SAMD5: variants seen among roughly 807,000 people sequenced by gnomAD.
The protein encoded by SAMD5 is sterile alpha motif domain-containing protein 5.
SAMD5 carries 13 observed loss-of-function variants against 11.3 expected under a neutral mutation model. That is an observed-to-expected ratio of 1.15 (90% CI 0.75 to 1.83). SAMD5 has a LOEUF of 1.83. Among genes scored for constraint, SAMD5 ranks in the 40% most tolerant of loss-of-function variants. The probability of loss-of-function intolerance (pLI) is 0.00; values close to 1 mark genes in which losing one functional copy is unlikely to be tolerated. For missense variants in SAMD5, 255 were observed against 239.1 expected (o/e 1.07, Z -0.44); for synonymous variants, 129 against 111.3 (o/e 1.16, Z -1.00).
the SAMD5 span, among the ~76,000 whole-genome samples, chr6:147,804,972 G>A: frequency 6.6e-6 from 1 of 152,214 alleles, no homozygotes; most frequent in Admixed American, 6.5e-5. Flanking sequence ...CCTATGGTGA[G>A]TTAAAATCAT....
the SAMD5 span, among the ~76,000 whole-genome samples, chr6:147,935,830 G>A: frequency 7.2e-5 from 11 of 152,300 alleles, no homozygotes; most frequent in East Asian, 1.7e-3. Flanking sequence ...CACACCCTGT[G>A]CAATTATGTC....
At chr6:147,608,586 A>G (rs1458282079) in intron 1 of SAMD5, among the ~76,000 whole-genome samples, 1 of 152,206 alleles carries the variant, frequency 6.6e-6, no homozygotes, top group Non-Finnish European at 1.5e-5. Context: ...GGATCTAAAA[A>G]TCAAAACAGT....
chr6:147,739,277 C>G (rs947487776), downstream of SAMD5, among the ~76,000 whole-genome samples: 15 of 152,150 alleles, frequency 9.9e-5, no homozygotes, highest in African/African-American at 3.6e-4. Flanking sequence ...ATTTGAATAG[C>G]AACTGACTTA....
In SAMD5 at chr6:147,565,335, T is replaced by C. The variant is rs1789019268; in HGVS notation, c.*879T>C. On this transcript the variant is annotated 3_prime_UTR_variant, in exon 2 of 2. Transcript: ENST00000367474. ...GGGGCCGGGAGGTGGGCAGCGGCAG[T>C]GGCCTGAGGAGCCCTGTAGAACTAC... is the stretch of plus-strand genomic sequence containing the variant. 3 of 985,924 alleles carry C rather than the reference T, an allele frequency of 3.0e-6. No individual in the cohort carries two copies. In the African/African-American group the frequency reaches 5.2e-5, roughly 17 times the overall value. 61.1% of individuals were successfully genotyped at this position (985,924 alleles called of 1,614,324 possible).
the SAMD5 span, among the ~76,000 whole-genome samples, chr6:147,921,258 A>G: frequency 6.9e-6 from 1 of 145,740 alleles, no homozygotes; most frequent in Non-Finnish European, 1.5e-5. Context: ...TTCTTAAAAC[A>G]AAAGAGAGAG....
chr6:147,765,227 A>T, the SAMD5 span, among the ~76,000 whole-genome samples: 1 of 152,132 alleles, frequency 6.6e-6, no homozygotes, highest in Non-Finnish European at 1.5e-5. Flanking sequence ...TGTGTTTTCA[A>T]AGTATGAACT....
At chr6:147,666,021 C>T (rs1790713426) in intron 1 of SAMD5, among the ~76,000 whole-genome samples, 1 of 152,198 alleles carries the variant, frequency 6.6e-6, no homozygotes, top group Non-Finnish European at 1.5e-5. Context: ...TCACTGCAAC[C>T]TCCGCCTCCA....
chr6:147,717,601 T>A (rs1184357812), intron 1 of SAMD5, among the ~76,000 whole-genome samples: 1 of 152,156 alleles, frequency 6.6e-6, no homozygotes, highest in Non-Finnish European at 1.5e-5. Context: ...GGTTTGTACA[T>A]GAAAAATAAA....
the SAMD5 span, among the ~76,000 whole-genome samples, chr6:147,801,057 A>T: frequency 2.0e-5 from 3 of 152,140 alleles, no homozygotes; most frequent in Non-Finnish European, 2.9e-5. Flanking sequence ...TACTGGTTTT[A>T]ATGTAATTCG....
the SAMD5 span, among the ~76,000 whole-genome samples, chr6:147,870,243 G>T: frequency 6.6e-6 from 1 of 151,924 alleles, no homozygotes; most frequent in East Asian, 1.9e-4. Context: ...CATCTAGCAC[G>T]GTGCTGGGAA....
At chr6:147,907,921 A>G in the SAMD5 span, among the ~76,000 whole-genome samples, 2 of 152,088 alleles carry the variant, frequency 1.3e-5, no homozygotes, top group Non-Finnish European at 2.9e-5. Context: ...CTCAACCAAA[A>G]TGTGTATTAT....
At chr6:147,795,031 A>T in the SAMD5 span, among the ~76,000 whole-genome samples, 4 of 151,474 alleles carry the variant, frequency 2.6e-5, no homozygotes, top group South Asian at 4.2e-4. Context: ...ATTAAAAAAA[A>T]TGAATGAATA....
chr6:147,638,744 G>T (rs1199291256), intron 1 of SAMD5, among the ~76,000 whole-genome samples: 1 of 152,132 alleles, frequency 6.6e-6, no homozygotes, highest in Non-Finnish European at 1.5e-5. Context: ...ATTGAATGCA[G>T]ATTTATTCTT....
chr6:147,770,703 G>C, the SAMD5 span, among the ~76,000 whole-genome samples: 1 of 152,090 alleles, frequency 6.6e-6, no homozygotes, highest in Non-Finnish European at 1.5e-5. Context: ...ATTCTAAGAT[G>C]ATTTGCTTTT....
chr6:147,828,912 C>G, the SAMD5 span, among the ~76,000 whole-genome samples: 1 of 152,126 alleles, frequency 6.6e-6, no homozygotes, highest in African/African-American at 2.4e-5. Flanking sequence ...ACAGAACGCT[C>G]AAAGGAATAA....
At chr6:147,542,503 T>C (rs564270632) in intron 1 of SAMD5, among the ~76,000 whole-genome samples, 4 of 152,164 alleles carry the variant, frequency 2.6e-5, no homozygotes, top group Non-Finnish European at 5.9e-5. Flanking sequence ...AATCAGAGTT[T>C]TTAAGGATAA....
the SAMD5 span, among the ~76,000 whole-genome samples, chr6:147,826,395 A>T: frequency 0.13 from 19,880 of 152,154 alleles, 1,428 homozygotes; most frequent in Middle Eastern, 0.18. Flanking sequence ...GATAATGCAA[A>T]ACTGAGAAAA....
chr6:147,776,931 C>G, the SAMD5 span, among the ~76,000 whole-genome samples: 7 of 152,286 alleles, frequency 4.6e-5, no homozygotes, highest in Non-Finnish European at 8.8e-5. Flanking sequence ...ATGTAATGAA[C>G]TATAAAATGA....
the SAMD5 span, among the ~76,000 whole-genome samples, chr6:147,852,568 A>C: frequency 6.6e-6 from 1 of 152,168 alleles, no homozygotes; most frequent in South Asian, 2.1e-4. Context: ...GAATTGATTA[A>C]ATGCAAATTA....
Sources: gnomAD v4.1 joint callset for allele counts (sites outside exome capture counted in the v4.1 genomes callset) on GRCh38, gnomAD v4.1.1 for gene constraint, MANE v1.5 for transcripts, NCBI Gene and HGNC (gene_info 2026-07-23, HGNC 2026-07-21) for gene names.